Variants in MYT1 observed in about 807,000 individuals in gnomAD.
The protein encoded by MYT1 is myelin transcription factor 1.
Under a neutral mutation model 123.0 loss-of-function variants are expected in MYT1, and 23 were observed. That is an observed-to-expected ratio of 0.19 (90% confidence interval 0.13 to 0.26). The LOEUF (loss-of-function observed/expected upper bound fraction) is 0.26, where lower values mean the gene tolerates loss of function less well. MYT1 is among the 10% of genes least tolerant of loss of function. The probability of loss-of-function intolerance (pLI) is 1.00; values close to 1 mark genes in which losing one functional copy is unlikely to be tolerated. For synonymous variants in MYT1, 518 were observed against 575.3 expected, an observed-to-expected ratio of 0.90 and a Z score of 1.43; for missense variants, 1,125 against 1,472.5, an observed-to-expected ratio of 0.76 and a Z score of 3.86.
Position 64,239,904 on chromosome 20 carries a change from G to T in MYT1, c.3237+1G>T. 1 of 1,612,132 alleles carries T rather than the reference G, an allele frequency of 6.2e-7. No homozygotes were observed. On this transcript the variant is annotated splice_donor_variant, in intron 22 of 22. Coordinates refer to ENST00000328439, the MANE Select transcript of MYT1 (RefSeq NM_004535.3). LOFTEE classifies it high-confidence loss of function. ...CGCCAATATCCGCCTTCCGCACATG[G>T]TAGGCAGCACGCGGGCCTGCCGGCA... is the stretch of plus-strand genomic sequence containing the variant.
intron 4 of MYT1, among the ~76,000 whole-genome samples, chr20:64,201,709 G>A (rs1285722778): frequency 1.3e-5 from 2 of 152,318 alleles, no homozygotes; most frequent in East Asian, 3.9e-4. Flanking sequence ...ACCAGCACAC[G>A]CTGGGCTCTG....
intron 16 of MYT1, among the ~76,000 whole-genome samples, chr20:64,226,998 T>G (rs1372776823): frequency 6.6e-6 from 1 of 152,236 alleles, no homozygotes; most frequent in Non-Finnish European, 1.5e-5. Flanking sequence ...AAGTTATGGC[T>G]CAGATATGCT....
chr20:64,179,207 C>A (rs906320550), intron 1 of MYT1, among the ~76,000 whole-genome samples: 4 of 151,144 alleles, frequency 2.6e-5, no homozygotes, highest in Non-Finnish European at 5.9e-5. Context: ...AACGTGGGAG[C>A]ACTGAGCCAT....
In MYT1 at chr20:64,213,723, C is replaced by A; in HGVS notation, c.1631+76C>A. The A allele has an allele frequency of 2.5e-6, 3 of 1,214,800 alleles. No individual in the cohort carries two copies. The highest frequency in any genetic ancestry group is 3.6e-6 in the Non-Finnish European group (3 of 830,306). The allele number at this position is 1,214,800 out of a possible 1,614,324, so 75.3% of individuals were successfully genotyped here. A position where few individuals can be genotyped will look rare whatever the true frequency, so the allele number is the denominator to read the frequency against. On this transcript the variant is annotated intron_variant, in intron 10 of 22. Transcript: ENST00000328439. The surrounding 1 kb of genome is among the most constrained non-coding windows in gnomAD (Gnocchi z 5.6). ...AGAGGGCTTCTCAGTCTCCCGCAGGCTGTATGTGCATGTGTGTGAGTGCAT... is the reference window on the plus strand; with the variant it reads ...AGAGGGCTTCTCAGTCTCCCGCAGGATGTATGTGCATGTGTGTGAGTGCAT...
At chr20:64,184,141 A>T (rs1982732290) in intron 1 of MYT1, among the ~76,000 whole-genome samples, 1 of 152,120 alleles carries the variant, frequency 6.6e-6, no homozygotes, top group Non-Finnish European at 1.5e-5. Context: ...TTTAACTCCG[A>T]AAGTTTTAAA....
rs1240729971 is a variant in MYT1 at position 64,213,911 on chromosome 20, G to A, written c.1631+264G>A. 1.3e-5 allele frequency among the ~76,000 whole-genome samples: 2 copies of A among 151,876 alleles called. No individual in the cohort carries two copies. The highest frequency in any genetic ancestry group is 4.8e-5 in the African/African-American group (2 of 41,418). ...CAGCCAAAGCGCAAACTCCTGCACA[G>A]TTGCCTCTGCCTCCGACATGGGGCT... On this transcript the variant is annotated intron_variant, in intron 10 of 22. Transcript: ENST00000328439. This position sits in a 1 kb window ranked among gnomAD's most constrained non-coding sequence, Gnocchi z 5.6.
intron 1 of MYT1, among the ~76,000 whole-genome samples, chr20:64,183,074 G>A (rs1054248137): frequency 4.6e-5 from 7 of 152,226 alleles, no homozygotes; most frequent in South Asian, 2.1e-4. Context: ...AGGCAACCAC[G>A]AATCTACTTT....
intron 12 of MYT1, 127 bp from the exon 13 acceptor site, chr20:64,219,586 T>C: frequency 2.4e-6 from 2 of 820,566 alleles, no homozygotes; most frequent in South Asian, 3.7e-5. Context: ...TGCCTGTCTG[T>C]CCCCGTTGTC....
chr20:64,237,221 C>T, intron 20 of MYT1, 66 bp from the exon 21 acceptor site: 1 of 1,368,748 alleles, frequency 7.3e-7, no homozygotes. Context: ...GCAGGCTTCC[C>T]CACAGCACTT....
chr20:64,205,490 G>C, intron 5 of MYT1, 63 bp from the exon 6 acceptor site: 1 of 1,587,176 alleles, frequency 6.3e-7, no homozygotes, highest in Non-Finnish European at 8.6e-7. Flanking sequence ...GGGGCTCATG[G>C]GGTGTCTGAG....
intron 10 of MYT1, among the ~76,000 whole-genome samples, chr20:64,214,662 G>C (rs988882705): frequency 4.6e-5 from 7 of 152,124 alleles, no homozygotes; most frequent in African/African-American, 1.4e-4. Context: ...CCCCACTCCC[G>C]TGAGGAACTA....
intron 11 of MYT1, 121 bp downstream of exon 11, chr20:64,217,402 A>G (rs952266245): frequency 9.3e-7 from 1 of 1,072,540 alleles, no homozygotes; most frequent in Admixed American, 2.1e-5. Flanking sequence ...CTCTACCCTC[A>G]TGGGAGGACC....
intron 1 of MYT1, among the ~76,000 whole-genome samples, chr20:64,173,654 G>C (rs1423713107): frequency 6.6e-6 from 1 of 151,064 alleles, no homozygotes; most frequent in Non-Finnish European, 1.5e-5. Context: ...CCTTGTAGTT[G>C]TGTCCATTTC....
chr20:64,204,106 C>G (rs563034252), intron 4 of MYT1, among the ~76,000 whole-genome samples: 1 of 152,346 alleles, frequency 6.6e-6, no homozygotes, highest in South Asian at 2.1e-4. Flanking sequence ...ATCCGACAGC[C>G]CACAGGAGCC....
intron 6 of MYT1, among the ~76,000 whole-genome samples, chr20:64,206,105 A>G (rs543477317): frequency 2.0e-5 from 3 of 152,236 alleles, no homozygotes; most frequent in Non-Finnish European, 4.4e-5. Flanking sequence ...CTGCATGTAT[A>G]TGAGAGAGAC....
intron 4 of MYT1, among the ~76,000 whole-genome samples, chr20:64,204,795 A>G (rs1027883434): frequency 1.3e-5 from 2 of 151,992 alleles, no homozygotes; most frequent in African/African-American, 4.8e-5. Flanking sequence ...GGTCTGGGAG[A>G]CTCTGGCGCT....
intron 13 of MYT1, 112 bp downstream of exon 13, chr20:64,220,094 G>A: frequency 7.2e-7 from 1 of 1,389,156 alleles, no homozygotes. Context: ...GCTTCTGGAA[G>A]AGCCTCGGGG....
rs1019002346 is a variant in MYT1 at position 64,231,522 on chromosome 20, G to T, written c.2676-642G>T. 6.6e-6 allele frequency among the ~76,000 whole-genome samples: 1 copy of T among 152,240 alleles called. No individual in the cohort carries two copies. ...ACCATTTAAGGCCAGCCTCAGGCAC[G>T]AGTGATTATGGGTAGCGAGTCTCCC... On this transcript the variant is annotated intron_variant, in intron 18 of 22. Coordinates refer to ENST00000328439, the MANE Select transcript of MYT1 (RefSeq NM_004535.3). This position sits in a 1 kb window ranked among gnomAD's most constrained non-coding sequence, Gnocchi z 6.4.
rs565082310 is a variant in MYT1 at position 64,188,017 on chromosome 20, G to A, written c.-98-2046G>A. ...AGTGCTCTGCCTGAGCAGATGTGGG[G>A]CCTCAGGGCCTCAGGACTTCAGAGC... On this transcript the variant is annotated intron_variant, in intron 1 of 22. Transcript: ENST00000328439. Among the ~76,000 whole-genome samples, 4 of 152,344 alleles carry A rather than the reference G, an allele frequency of 2.6e-5. No individual in the cohort carries two copies. In the South Asian group the frequency reaches 8.3e-4, roughly 32 times the overall value.
Sources: allele counts gnomAD v4.1 joint callset (sites outside exome capture counted in the v4.1 genomes callset), GRCh38; gene constraint gnomAD v4.1.1; non-coding constraint Gnocchi (gnomAD v3.1); transcripts MANE v1.5; gene names NCBI Gene and HGNC (gene_info 2026-07-23, HGNC 2026-07-21).